FAM131C: variants seen among roughly 807,000 people sequenced by gnomAD.
The protein encoded by FAM131C is family with sequence similarity 131 member C.
FAM131C carries 14 observed loss-of-function variants against 29.8 expected under a neutral mutation model. The observed-to-expected ratio is 0.47, with a 90% CI of 0.31 to 0.73. The LOEUF is 0.73. FAM131C is among the 30% of genes least tolerant of loss of function. The probability of loss-of-function intolerance (pLI) is 0.05; values close to 1 mark genes in which losing one functional copy is unlikely to be tolerated. For synonymous variants in FAM131C, 86 were observed against 157.8 expected (o/e 0.54, Z 3.41); for missense variants, 252 against 383.8 (o/e 0.66, Z 2.87).
rs1213133053 is a variant in FAM131C at position 16,060,134 on chromosome 1, G to A, written c.269-83C>T. 4 of 715,200 alleles carry A rather than the reference G, an allele frequency of 5.6e-6. No homozygotes were observed. The South Asian group carries it at 7.9e-5, about 14-fold the overall frequency. The allele number at this position is 715,200 out of a possible 1,614,324, so 44.3% of individuals were successfully genotyped here. On this transcript the variant is annotated intron_variant, in intron 4 of 6. Transcript: ENST00000375662. ...GGCCCCCATGCCTCAGGCCCACCCA[G>A]TGGCCTGTACCCCACATTCCCTCAG...
chr1:16,071,609 G>C (rs2023750396), intron 1 of FAM131C, among the ~76,000 whole-genome samples: 1 of 152,148 alleles, frequency 6.6e-6, no homozygotes, highest in African/African-American at 2.4e-5. Context: ...GACTGCCAGG[G>C]GCCCCGTCCT....
intron 1 of FAM131C, among the ~76,000 whole-genome samples, chr1:16,067,525 G>C (rs2023696739): frequency 6.6e-6 from 1 of 152,088 alleles, no homozygotes; most frequent in Non-Finnish European, 1.5e-5. Context: ...CTGTCCACAA[G>C]AGTGACAGGC....
intron 4 of FAM131C, among the ~76,000 whole-genome samples, chr1:16,061,484 G>A (rs2023591797): frequency 6.6e-6 from 1 of 152,126 alleles, no homozygotes; most frequent in Non-Finnish European, 1.5e-5. Flanking sequence ...CTTATCTGGA[G>A]AACCGCCCTG....
At chr1:16,066,759 T>A (rs1350620616) in intron 1 of FAM131C, among the ~76,000 whole-genome samples, 3 of 152,222 alleles carry the variant, frequency 2.0e-5, no homozygotes, top group Non-Finnish European at 4.4e-5. Flanking sequence ...ATTTTCTCTG[T>A]GTGTATTCTG....
At position 16,059,506 on chromosome 1, in the gene FAM131C, C is replaced by T. The variant is rs371920912; in HGVS notation, c.550G>A (p.Val184Ile). Residue 184 changes from valine (V) to isoleucine (I), a missense_variant, in exon 6 of 7, where the codon GTC (valine) becomes ATC (isoleucine). This residue lies in a region of FAM131C where 33 missense variants were observed against 54.0 expected (regional missense o/e 0.61). Transcript: ENST00000375662. ...CTCTGGGCTGTACCTTGGAGCTGGACGATGCCTTGGGGGCTGTTCTCGGGG... is the reference window on the plus strand; with the variant it reads ...CTCTGGGCTGTACCTTGGAGCTGGATGATGCCTTGGGGGCTGTTCTCGGGG... ...LHPENSPQGI[V>I]QLQDLESIYL... 5.3e-5 allele frequency: 86 copies of T among 1,610,694 alleles called. No homozygotes were observed. In the East Asian group the frequency reaches 6.0e-4, roughly 11 times the overall value.
At chr1:16,062,383 C>CCA (rs2023612100) in intron 3 of FAM131C, 116 bp downstream of exon 3, 2 of 188,952 alleles carry the variant, frequency 1.1e-5, no homozygotes, top group African/African-American at 6.3e-5. Flanking sequence ...TCATCAGGCC[C>CCA]CCCCCCCCCC....
At chr1:16,073,399 G>C in intron 1 of FAM131C, 22 bp downstream of exon 1, 1 of 1,198,060 alleles carries the variant, frequency 8.3e-7, no homozygotes. Context: ...CGATCCCCCC[G>C]CCCCCGGCCG....
chr1:16,067,868 G>A (rs1229207494), intron 1 of FAM131C, among the ~76,000 whole-genome samples: 4 of 152,040 alleles, frequency 2.6e-5, no homozygotes, highest in African/African-American at 9.7e-5. Context: ...CTGTTCTCTG[G>A]GGCTCCGTGT....
chr1:16,068,579 G>C (rs769503379), intron 1 of FAM131C, among the ~76,000 whole-genome samples: 1 of 152,244 alleles, frequency 6.6e-6, no homozygotes, highest in Admixed American at 6.5e-5. Context: ...CACAGAGCTT[G>C]GCAGAGGCCA....
chr1:16,069,988 C>T (rs2023731818), intron 1 of FAM131C, among the ~76,000 whole-genome samples: 1 of 152,156 alleles, frequency 6.6e-6, no homozygotes, highest in South Asian at 2.1e-4. Flanking sequence ...TGGTCTTGAA[C>T]TCGTGGGCTC....
chr1:16,062,392 C>CCT (rs1234582835), intron 3 of FAM131C, 107 bp downstream of exon 3: 3 of 1,291,208 alleles, frequency 2.3e-6, no homozygotes, highest in Non-Finnish European at 3.1e-6. Context: ...CCCCCCCCCC[C>CCT]CCGCCCCAGG....
chr1:16,073,361 C>T, intron 1 of FAM131C, 60 bp downstream of exon 1: 1 of 999,372 alleles, frequency 1.0e-6, no homozygotes. Flanking sequence ...CTCCGAGCGG[C>T]GAGGGGACTG....
At chr1:16,072,675 G>C (rs1329991424) in intron 1 of FAM131C, among the ~76,000 whole-genome samples, 1 of 151,402 alleles carries the variant, frequency 6.6e-6, no homozygotes, top group African/African-American at 2.5e-5. Flanking sequence ...GTGCAAGACT[G>C]TGTGTCCCCT....
At chr1:16,061,283 T>G (rs2023589385) in intron 4 of FAM131C, among the ~76,000 whole-genome samples, 1 of 110,934 alleles carries the variant, frequency 9.0e-6, no homozygotes, top group African/African-American at 3.4e-5. Flanking sequence ...GCAGGTGAGG[T>G]GGAGGAAGGC....
At chr1:16,063,838 C>T (rs1200736150) in intron 1 of FAM131C, among the ~76,000 whole-genome samples, 2 of 149,612 alleles carry the variant, frequency 1.3e-5, no homozygotes, top group Non-Finnish European at 2.9e-5. Context: ...AATTACTGGC[C>T]TCATCTTCTT....
At chr1:16,064,110 C>A (rs950937219) in intron 1 of FAM131C, among the ~76,000 whole-genome samples, 1 of 152,088 alleles carries the variant, frequency 6.6e-6, no homozygotes, top group East Asian at 1.9e-4. Flanking sequence ...CCGCTGCATG[C>A]GAGATTGTAG....
intron 4 of FAM131C, among the ~76,000 whole-genome samples, chr1:16,060,628 A>G (rs1297079455): frequency 6.6e-6 from 1 of 152,076 alleles, no homozygotes; most frequent in Non-Finnish European, 1.5e-5. Flanking sequence ...GACAGAGGCA[A>G]GACTGGAGGT....
At chr1:16,064,836 C>T (rs766150552) in intron 1 of FAM131C, among the ~76,000 whole-genome samples, 6 of 152,216 alleles carry the variant, frequency 3.9e-5, no homozygotes, top group African/African-American at 7.2e-5. Flanking sequence ...CAGGAAAATC[C>T]GTGGGGCCAA....
At chr1:16,064,040 G>A (rs58884828) in intron 1 of FAM131C, among the ~76,000 whole-genome samples, 9,398 of 151,826 alleles carry the variant, frequency 0.062, 808 homozygotes, top group African/African-American at 0.19. Context: ...CCCCGGTTTG[G>A]GTCTGACCCT....
Sources: allele counts gnomAD v4.1 joint callset (sites outside exome capture counted in the v4.1 genomes callset), GRCh38; gene constraint gnomAD v4.1.1; regional missense constraint gnomAD v4.1.1; transcripts MANE v1.5; gene names NCBI Gene and HGNC (gene_info 2026-07-23, HGNC 2026-07-21).